Variants in TRAPPC9 observed in about 807,000 individuals in gnomAD.
The protein encoded by TRAPPC9 is IKK2 binding protein.
TRAPPC9 carries 83 observed loss-of-function variants against 124.0 expected under a neutral mutation model. That is an observed-to-expected ratio of 0.67 (90% confidence interval 0.56 to 0.80). TRAPPC9 has a LOEUF of 0.80. Ranked by LOEUF, TRAPPC9 falls within the 30% of genes least tolerant of loss-of-function variation. The pLI, the probability that TRAPPC9 is intolerant of heterozygous loss-of-function variation, is 0.00. For missense variants in TRAPPC9, 1,302 were observed against 1,508.3 expected (o/e 0.86, Z 2.27); for synonymous variants, 638 against 617.5 (o/e 1.03, Z -0.49).
chr8:140,249,764 C>A (rs1249293976), intron 16 of TRAPPC9, among the ~76,000 whole-genome samples: 1 of 151,824 alleles, frequency 6.6e-6, no homozygotes, highest in African/African-American at 2.4e-5. Context: ...CCACCACGCC[C>A]GGCTAATTTT....
intron 21 of TRAPPC9, among the ~76,000 whole-genome samples, chr8:139,848,044 AGC>A (rs1563860646): frequency 1.3e-5 from 2 of 152,216 alleles, no homozygotes; most frequent in African/African-American, 4.8e-5. Flanking sequence ...CTGTCCCAGG[AGC>A]TCCATAGCCT....
At chr8:140,312,532 T>C (rs1376266121) in intron 9 of TRAPPC9, among the ~76,000 whole-genome samples, 1 of 152,120 alleles carries the variant, frequency 6.6e-6, no homozygotes, top group Non-Finnish European at 1.5e-5. Context: ...GTGCACTGAA[T>C]AAACTGAAAT....
At chr8:140,251,492 A>T (rs927720304) in intron 16 of TRAPPC9, among the ~76,000 whole-genome samples, 1 of 152,238 alleles carries the variant, frequency 6.6e-6, no homozygotes, top group African/African-American at 2.4e-5. Context: ...TGTTAATAAT[A>T]TAAAAAGAAT....
chr8:140,376,151 T>G (rs946790856), intron 7 of TRAPPC9, among the ~76,000 whole-genome samples: 2 of 152,178 alleles, frequency 1.3e-5, no homozygotes, highest in African/African-American at 4.8e-5. Context: ...ATTTTCAGTT[T>G]TAATCATTCA....
chr8:139,954,043 T>C (rs569734932), intron 19 of TRAPPC9, among the ~76,000 whole-genome samples: 6 of 152,298 alleles, frequency 3.9e-5, no homozygotes, highest in Admixed American at 1.3e-4. Flanking sequence ...TAGTACTGTA[T>C]GATCCATCCC....
intron 19 of TRAPPC9, among the ~76,000 whole-genome samples, chr8:139,938,212 T>C (rs1360829547): frequency 1.3e-5 from 2 of 152,178 alleles, no homozygotes; most frequent in Non-Finnish European, 1.5e-5. Flanking sequence ...GCCCCACCTG[T>C]GTGTCAACTC....
chr8:139,752,227 C>T (rs1443660830), intron 21 of TRAPPC9, among the ~76,000 whole-genome samples: 2 of 151,372 alleles, frequency 1.3e-5, no homozygotes, highest in African/African-American at 4.9e-5. Flanking sequence ...ATCCATCCAA[C>T]ATCTACCCAT....
intron 17 of TRAPPC9, among the ~76,000 whole-genome samples, chr8:140,178,405 T>C (rs572007191): frequency 2.0e-5 from 3 of 152,290 alleles, no homozygotes; most frequent in East Asian, 3.9e-4. Context: ...ATGACACTGA[T>C]TGAAATTTGA....
At chr8:139,740,743 G>A (rs1043100563) in intron 21 of TRAPPC9, among the ~76,000 whole-genome samples, 1 of 152,224 alleles carries the variant, frequency 6.6e-6, no homozygotes, top group African/African-American at 2.4e-5. Context: ...GTGCTCCATG[G>A]GGACGGGGCC....
At chr8:139,878,007 T>C (rs1257339018) in intron 21 of TRAPPC9, among the ~76,000 whole-genome samples, 3 of 152,150 alleles carry the variant, frequency 2.0e-5, no homozygotes, top group South Asian at 4.1e-4. Flanking sequence ...CAAGATCCCA[T>C]AAAATATTAA....
At chr8:139,782,111 G>A (rs1302534929) in intron 21 of TRAPPC9, among the ~76,000 whole-genome samples, 3 of 152,198 alleles carry the variant, frequency 2.0e-5, no homozygotes, top group Admixed American at 1.3e-4. Flanking sequence ...CAGGTGTGGT[G>A]GCTCATGCCT....
At chr8:140,395,772 C>T (rs1013559649) in intron 7 of TRAPPC9, among the ~76,000 whole-genome samples, 12 of 151,994 alleles carry the variant, frequency 7.9e-5, no homozygotes, top group African/African-American at 2.4e-4. Context: ...CCACCCCCTG[C>T]CCTGTCTCTC....
intron 21 of TRAPPC9, among the ~76,000 whole-genome samples, chr8:139,734,250 G>A (rs371980401): frequency 2.5e-4 from 38 of 152,340 alleles, no homozygotes; most frequent in African/African-American, 6.7e-4. Context: ...TCCATAGCCC[G>A]TGTGCCAGAG....
chr8:139,846,529 A>C (rs1827096154), intron 21 of TRAPPC9, among the ~76,000 whole-genome samples: 1 of 152,252 alleles, frequency 6.6e-6, no homozygotes, highest in African/African-American at 2.4e-5. Flanking sequence ...AAGAAGAAAA[A>C]TGAAGATGGA....
At chr8:139,912,587 T>C (rs1424799810) in intron 19 of TRAPPC9, among the ~76,000 whole-genome samples, 1 of 152,176 alleles carries the variant, frequency 6.6e-6, no homozygotes, top group Non-Finnish European at 1.5e-5. Flanking sequence ...CAGAAGCCCA[T>C]CTCCGAGCAG....
Position 140,410,969 on chromosome 8 carries a change from G to A in TRAPPC9, c.887-5271C>T, listed in dbSNP as rs182534232. On this transcript the variant is annotated intron_variant, in intron 5 of 22. Coordinates refer to ENST00000438773, the MANE Select transcript of TRAPPC9 (RefSeq NM_001160372.4). ...GAAACTCATTAATGATATATAAACAGCAATAATTACATTTCAAATAACATA... is the reference window on the plus strand; with the variant it reads ...GAAACTCATTAATGATATATAAACAACAATAATTACATTTCAAATAACATA... Among the ~76,000 whole-genome samples the A allele has an allele frequency of 5.5e-4, 84 of 152,148 alleles. No individual in the cohort carries two copies. The East Asian group carries it at 0.015, about 28-fold the overall frequency.
chr8:140,455,857 T>C (rs1310171238), intron 1 of TRAPPC9, among the ~76,000 whole-genome samples: 3 of 152,224 alleles, frequency 2.0e-5, no homozygotes. Flanking sequence ...AAAGTGCTGA[T>C]GTAAGCCACA....
At chr8:139,999,614 T>A (rs1407085583) in intron 18 of TRAPPC9, among the ~76,000 whole-genome samples, 2 of 152,048 alleles carry the variant, frequency 1.3e-5, no homozygotes, top group Non-Finnish European at 2.9e-5. Flanking sequence ...GAGCAGAATA[T>A]ACATACTTCC....
intron 17 of TRAPPC9, among the ~76,000 whole-genome samples, chr8:140,025,565 C>G (rs958935794): frequency 8.1e-6 from 1 of 123,850 alleles, no homozygotes; most frequent in Non-Finnish European, 1.7e-5. Flanking sequence ...AAGCAAAATG[C>G]AAAAAAAAAA....
Sources: allele counts gnomAD v4.1 joint callset (sites outside exome capture counted in the v4.1 genomes callset), GRCh38; gene constraint gnomAD v4.1.1; transcripts MANE v1.5; gene names NCBI Gene and HGNC (gene_info 2026-07-23, HGNC 2026-07-21).